SULT1E1: variants seen among roughly 807,000 people sequenced by gnomAD.
SULT1E1 encodes sulfotransferase family 1E member 1.
A neutral mutation model predicts 33.6 loss-of-function variants in SULT1E1; 36 were observed. The observed-to-expected ratio is 1.07, with a 90% CI of 0.82 to 1.41. SULT1E1 has a LOEUF of 1.41. SULT1E1 is among the 40% of genes most tolerant of loss of function. The pLI, the probability that SULT1E1 is intolerant of heterozygous loss-of-function variation, is 0.00. For synonymous variants in SULT1E1, 121 were observed against 111.7 expected, an observed-to-expected ratio of 1.08 and a Z score of -0.53; for missense variants, 371 against 345.7, an observed-to-expected ratio of 1.07 and a Z score of -0.58.
intron 3 of SULT1E1, 22 bp from the exon 4 acceptor site, chr4:69,854,336 G>A (rs772134459): frequency 4.6e-6 from 7 of 1,509,402 alleles, no homozygotes; most frequent in Non-Finnish European, 6.4e-6. Context: ...AAAAGTAAAG[G>A]TTAAGCAACT....
the SULT1E1 span, among the ~76,000 whole-genome samples, chr4:69,829,994 C>A: frequency 2.6e-5 from 4 of 152,174 alleles, no homozygotes; most frequent in African/African-American, 9.7e-5. Flanking sequence ...GGTGTGGTAT[C>A]CCCCTGCTGG....
intron 1 of SULT1E1, among the ~76,000 whole-genome samples, chr4:69,858,818 C>A (rs562202441): frequency 1.3e-5 from 2 of 152,136 alleles, no homozygotes; most frequent in South Asian, 2.1e-4. Flanking sequence ...ATAAAATGCA[C>A]CACGATTTGT....
chr4:69,852,360 G>A (rs2110071358), intron 4 of SULT1E1, among the ~76,000 whole-genome samples: 1 of 152,166 alleles, frequency 6.6e-6, no homozygotes, highest in Middle Eastern at 3.4e-3. Context: ...TTACTTCTAT[G>A]TTACTTCAGA....
the SULT1E1 span, among the ~76,000 whole-genome samples, chr4:69,825,100 T>C: frequency 2.0e-5 from 3 of 151,942 alleles, no homozygotes; most frequent in African/African-American, 7.3e-5. Context: ...TAACACTCAC[T>C]GCGAAGGTCT....
downstream of SULT1E1, among the ~76,000 whole-genome samples, chr4:69,838,084 T>C (rs1720820718): frequency 6.6e-6 from 1 of 152,190 alleles, no homozygotes; most frequent in East Asian, 1.9e-4. Context: ...AGACTTTTCT[T>C]CTTATGCTTT....
chr4:69,839,274 C>T (rs993147033), downstream of SULT1E1, among the ~76,000 whole-genome samples: 3 of 152,170 alleles, frequency 2.0e-5, no homozygotes, highest in Admixed American at 6.5e-5. Flanking sequence ...ATGCCATTGG[C>T]ATCTGGTGAG....
chr4:69,846,794 T>C (rs776235050), intron 6 of SULT1E1, among the ~76,000 whole-genome samples: 1 of 151,742 alleles, frequency 6.6e-6, no homozygotes, highest in African/African-American at 2.4e-5. Flanking sequence ...TTTAAATTGT[T>C]ATCAGTGTAG....
At chr4:69,855,180 T>A in intron 3 of SULT1E1, 121 bp downstream of exon 3, 1 of 976,494 alleles carries the variant, frequency 1.0e-6, no homozygotes, top group South Asian at 2.0e-5. Flanking sequence ...ATTTATATGC[T>A]GTCTTATGTA....
At chr4:69,846,792 G>A (rs1720986042) in intron 6 of SULT1E1, among the ~76,000 whole-genome samples, 1 of 151,532 alleles carries the variant, frequency 6.6e-6, no homozygotes, top group African/African-American at 2.4e-5. Flanking sequence ...TATTTAAATT[G>A]TTATCAGTGT....
chr4:69,842,658 C>A (rs1720904173), intron 7 of SULT1E1, among the ~76,000 whole-genome samples: 1 of 152,212 alleles, frequency 6.6e-6, no homozygotes, highest in South Asian at 2.1e-4. Context: ...CTCTTAACCA[C>A]AACATCTAAT....
At chr4:69,827,462 G>A in the SULT1E1 span, among the ~76,000 whole-genome samples, 1 of 152,106 alleles carries the variant, frequency 6.6e-6, no homozygotes, top group Non-Finnish European at 1.5e-5. Context: ...AAAAGCCCAT[G>A]AAATATTCAA....
chr4:69,829,723 A>G, the SULT1E1 span, among the ~76,000 whole-genome samples: 1 of 152,176 alleles, frequency 6.6e-6, no homozygotes, highest in Non-Finnish European at 1.5e-5. Context: ...CCTATTACAC[A>G]TCTCTTTGAC....
chr4:69,830,684 A>G, the SULT1E1 span, among the ~76,000 whole-genome samples: 1 of 152,262 alleles, frequency 6.6e-6, no homozygotes, highest in Middle Eastern at 3.4e-3. Context: ...CTGCAGGAGC[A>G]TTTGCTTCTA....
intron 4 of SULT1E1, among the ~76,000 whole-genome samples, chr4:69,853,487 C>A (rs1380404437): frequency 2.0e-5 from 3 of 152,082 alleles, no homozygotes; most frequent in Admixed American, 2.0e-4. Flanking sequence ...ATTTTAGATG[C>A]CCCCTCAGAT....
chr4:69,856,374 T>C (rs1721236249), intron 2 of SULT1E1, among the ~76,000 whole-genome samples: 1 of 152,188 alleles, frequency 6.6e-6, no homozygotes, highest in African/African-American at 2.4e-5. Context: ...GATTGTGTTT[T>C]AGAAGAATTT....
chr4:69,847,626 T>C, intron 6 of SULT1E1, 72 bp downstream of exon 6: 1 of 1,003,640 alleles, frequency 1.0e-6, no homozygotes, highest in Non-Finnish European at 1.5e-6. Flanking sequence ...GGAATATTTT[T>C]GTATCCAGAG....
chr4:69,830,661 G>A, the SULT1E1 span, among the ~76,000 whole-genome samples: 1 of 152,318 alleles, frequency 6.6e-6, no homozygotes, highest in East Asian at 1.9e-4. Context: ...ATATGCCTGG[G>A]CATTAACTGT....
In SULT1E1 at chr4:69,854,219, T is replaced by C. The variant is rs766932921; in HGVS notation, c.367A>G (p.Lys123Glu). ...TGAGAACACTTGACTCTGGTTACCT[T>C]ACAATCCTTTTCCCAAAATGAGGCA... ...LPASFWEKDC[K>E]IIYLCRNAKD... Residue 123 changes from lysine to glutamate, a missense_variant and splice_region_variant, in exon 4 of 8, where the codon AAG becomes GAG. Lys to Glu is a moderately conservative substitution (Grantham distance 56). Transcript: ENST00000226444. 1.2e-6 allele frequency: 2 copies of C among 1,610,464 alleles called. No homozygotes were observed. Among genetic ancestry groups the C allele is most frequent in the Non-Finnish European group, 1.7e-6 (2 of 1,177,702 alleles).
At chr4:69,830,300 A>G in the SULT1E1 span, among the ~76,000 whole-genome samples, 17 of 152,334 alleles carry the variant, frequency 1.1e-4, no homozygotes, top group South Asian at 3.5e-3. Context: ...GGCTACCTCA[A>G]TAAGCTGAGT....
Sources: allele counts gnomAD v4.1 joint callset (sites outside exome capture counted in the v4.1 genomes callset), GRCh38; gene constraint gnomAD v4.1.1; transcripts MANE v1.5; gene names NCBI Gene and HGNC (gene_info 2026-07-23, HGNC 2026-07-21).